The following DCLK2 variants were observed in gnomAD, a reference collection of about 807,000 sequenced individuals.
The protein encoded by DCLK2 is serine/threonine-protein kinase DCLK2.
DCLK2 carries 31 observed loss-of-function variants against 78.4 expected under a neutral mutation model. The ratio of observed to expected loss-of-function variants is 0.40; its 90% CI spans 0.30 to 0.53. DCLK2 has a LOEUF of 0.53. Among genes scored for constraint, DCLK2 ranks in the 20% least tolerant of loss-of-function variants. The pLI, the probability that DCLK2 is intolerant of heterozygous loss-of-function variation, is 0.61. For missense variants in DCLK2, 872 were observed against 973.7 expected, an observed-to-expected ratio of 0.90 and a Z score of 1.39; for synonymous variants, 407 against 374.9, an observed-to-expected ratio of 1.09 and a Z score of -0.99.
chr4:150,116,420 A>C (rs1189681889), intron 2 of DCLK2, among the ~76,000 whole-genome samples: 7 of 152,174 alleles, frequency 4.6e-5, no homozygotes, highest in Admixed American at 4.6e-4. Flanking sequence ...CACAAGCGGA[A>C]AGTTCAGGGA....
chr4:150,119,051 A>ATAATAC (rs747734011), intron 2 of DCLK2, among the ~76,000 whole-genome samples: 3 of 150,970 alleles, frequency 2.0e-5, no homozygotes, highest in African/African-American at 7.3e-5. Flanking sequence ...TAATATAATA[A>ATAATAC]TAATAATAAT....
At chr4:150,148,633 A>G (rs1011480929) in intron 2 of DCLK2, among the ~76,000 whole-genome samples, 2 of 152,090 alleles carry the variant, frequency 1.3e-5, no homozygotes, top group Non-Finnish European at 2.9e-5. Context: ...AATTTGATGT[A>G]TATCTAAAGC....
intron 2 of DCLK2, among the ~76,000 whole-genome samples, chr4:150,114,715 C>G (rs1437433215): frequency 6.6e-6 from 1 of 152,164 alleles, no homozygotes; most frequent in Non-Finnish European, 1.5e-5. Flanking sequence ...AAATAAGACC[C>G]CACTCCCTTT....
intron 2 of DCLK2, among the ~76,000 whole-genome samples, chr4:150,163,680 G>A (rs1735869814): frequency 6.6e-6 from 1 of 152,168 alleles, no homozygotes; most frequent in Non-Finnish European, 1.5e-5. Flanking sequence ...TAAGAACTCA[G>A]TAAACATTAG....
chr4:150,255,945 G>C (rs759283052), intron 15 of DCLK2, 75 bp from the exon 16 acceptor site: 20 of 1,560,228 alleles, frequency 1.3e-5, no homozygotes, highest in Admixed American at 1.1e-4. Context: ...ATGCTCTGTT[G>C]TGCTCTCTGC....
chr4:150,129,951 G>A (rs1733182190), intron 2 of DCLK2, among the ~76,000 whole-genome samples: 1 of 151,926 alleles, frequency 6.6e-6, no homozygotes, highest in African/African-American at 2.4e-5. Flanking sequence ...ATATATTTAG[G>A]CGAATTTGGT....
intron 2 of DCLK2, among the ~76,000 whole-genome samples, chr4:150,140,403 T>C (rs1372936856): frequency 6.6e-6 from 1 of 152,158 alleles, no homozygotes; most frequent in East Asian, 1.9e-4. Flanking sequence ...CCAGGATCTC[T>C]AGGACCTAGG....
chr4:150,188,988 TA>T (rs538468551), intron 2 of DCLK2, among the ~76,000 whole-genome samples: 163 of 152,094 alleles, frequency 1.1e-3, no homozygotes, highest in African/African-American at 3.6e-3. Context: ...TGAGACTTGT[TA>T]AATGCTTCTA....
chr4:150,139,088 G>A (rs1733925826), intron 2 of DCLK2, among the ~76,000 whole-genome samples: 2 of 151,888 alleles, frequency 1.3e-5, no homozygotes, highest in African/African-American at 4.8e-5. Flanking sequence ...GTCCAGGCTG[G>A]TATCAAACTC....
chr4:150,144,178 T>C (rs1734298634), intron 2 of DCLK2, among the ~76,000 whole-genome samples: 1 of 152,208 alleles, frequency 6.6e-6, no homozygotes, highest in Non-Finnish European at 1.5e-5. Context: ...CAGAAGAGTT[T>C]TTCCTAGGTT....
At chr4:150,094,110 C>T (rs1469651816) in intron 1 of DCLK2, among the ~76,000 whole-genome samples, 2 of 152,092 alleles carry the variant, frequency 1.3e-5, no homozygotes, top group Non-Finnish European at 1.5e-5. Flanking sequence ...AGAAGGAAAA[C>T]ATAAGGGAAA....
chr4:150,085,249 T>G (rs780458923), intron 1 of DCLK2, among the ~76,000 whole-genome samples: 1 of 152,194 alleles, frequency 6.6e-6, no homozygotes, highest in African/African-American at 2.4e-5. Flanking sequence ...GTGGGGTCTT[T>G]GGGAGGTGTC....
At chr4:150,211,287 G>A (rs1740294111) in intron 5 of DCLK2, among the ~76,000 whole-genome samples, 1 of 152,102 alleles carries the variant, frequency 6.6e-6, no homozygotes, top group East Asian at 1.9e-4. Context: ...GAACACAGCA[G>A]GTGGCTTTCC....
intron 10 of DCLK2, among the ~76,000 whole-genome samples, chr4:150,239,313 A>G (rs1264524827): frequency 6.6e-6 from 1 of 152,156 alleles, no homozygotes; most frequent in Non-Finnish European, 1.5e-5. Flanking sequence ...AATCACAAGG[A>G]GGTGTCGGGC....
chr4:150,247,405 A>G (rs778513385), intron 12 of DCLK2, among the ~76,000 whole-genome samples, 198 bp from the exon 13 acceptor site: 4 of 152,160 alleles, frequency 2.6e-5, no homozygotes, highest in Admixed American at 1.3e-4. Flanking sequence ...TCCTCGGCCT[A>G]TGGAAATGTT....
At chr4:150,158,075 C>T (rs1475958509) in intron 2 of DCLK2, among the ~76,000 whole-genome samples, 5 of 152,136 alleles carry the variant, frequency 3.3e-5, no homozygotes, top group Non-Finnish European at 7.4e-5. Context: ...TACTGGGTGG[C>T]TTAAACAACA....
intron 2 of DCLK2, among the ~76,000 whole-genome samples, chr4:150,167,399 C>T (rs1736176004): frequency 6.6e-6 from 1 of 152,198 alleles, no homozygotes; most frequent in Admixed American, 6.5e-5. Context: ...TGACTTTGCA[C>T]CAGTGTCAGC....
Position 150,223,514 on chromosome 4 carries a change from C to T in DCLK2, c.1242-987C>T, listed in dbSNP as rs550646699. On this transcript the variant is annotated intron_variant, in intron 7 of 15. Transcript: ENST00000296550. ...ATCCCAGCACTTTGGGAGGCCGAGGCGGGAGAATCACCTGAGGTCAGGAGT... is the reference window on the plus strand; with the variant it reads ...ATCCCAGCACTTTGGGAGGCCGAGGTGGGAGAATCACCTGAGGTCAGGAGT... Among the ~76,000 whole-genome samples, 120 of 152,238 alleles carry T rather than the reference C, an allele frequency of 7.9e-4. 2 individuals carry two copies. The South Asian group carries it at 0.025, about 32-fold the overall frequency.
At chr4:150,253,472 A>G in intron 15 of DCLK2, 1 of 1,289,642 alleles carries the variant, frequency 7.8e-7, no homozygotes, top group Non-Finnish European at 1.0e-6. Context: ...TTTGTTTGAC[A>G]GTTTGATTTG....
Sources: gnomAD v4.1 joint callset for allele counts (sites outside exome capture counted in the v4.1 genomes callset) on GRCh38, gnomAD v4.1.1 for gene constraint, MANE v1.5 for transcripts, NCBI Gene and HGNC (gene_info 2026-07-23, HGNC 2026-07-21) for gene names.